OR2T2: variants seen among roughly 807,000 people sequenced by gnomAD.
The protein encoded by OR2T2 is olfactory receptor family 2 subfamily T member 2.
For synonymous variants in OR2T2, 50 were observed against 162.7 expected (o/e 0.31, Z 5.27); for missense variants, 138 against 409.1 (o/e 0.34, Z 5.72).
intron 2 of OR2T2, among the ~76,000 whole-genome samples, chr1:248,449,967 ACAT>A (rs200928310): frequency 0.029 from 3,660 of 124,618 alleles, 54 homozygotes; most frequent in African/African-American, 0.084. Context: ...GTCAAACCAC[ACAT>A]CGTAATGCTA....
At chr1:248,453,649 C>G (rs767724122) in exon 3 of OR2T2, 6 of 1,597,946 alleles carry the variant, frequency 3.8e-6, no homozygotes, top group Non-Finnish European at 5.1e-6. Flanking sequence ...TCCTCACCCC[C>G]ATGCTCAACC....
intron 2 of OR2T2, among the ~76,000 whole-genome samples, chr1:248,450,347 C>CTTTTT (rs201321023): frequency 3.6e-5 from 5 of 139,116 alleles, no homozygotes; most frequent in African/African-American, 1.6e-4. Context: ...CAAGGAACCT[C>CTTTTT]TTTTTTTTTT....
chr1:248,453,674 T>C (rs746963858), exon 3 of OR2T2: 17 of 1,603,350 alleles, frequency 1.1e-5, no homozygotes, highest in East Asian at 4.5e-5. Flanking sequence ...CATCTACAGC[T>C]TGAGGAATAA....
chr1:248,447,952 AG>A (rs1662705328), intron 2 of OR2T2, among the ~76,000 whole-genome samples: 3 of 152,256 alleles, frequency 2.0e-5, no homozygotes, highest in Admixed American at 2.0e-4. Flanking sequence ...CACCATTTTG[AG>A]TAGTGTGGTG....
intron 1 of OR2T2, among the ~76,000 whole-genome samples, 198 bp downstream of exon 1, chr1:248,445,867 G>A (rs1382847431): frequency 6.6e-6 from 1 of 150,866 alleles, no homozygotes; most frequent in Non-Finnish European, 1.5e-5. Flanking sequence ...CTGGAAAAGG[G>A]CATTTAGCAT....
In OR2T2 at chr1:248,449,822, CTTTTTCTTTT is replaced by C. The variant is rs1342560131; in HGVS notation, c.-22-2948_-22-2939del. Among the ~76,000 whole-genome samples, 42 of 123,622 alleles carry C rather than the reference CTTTTTCTTTT, an allele frequency of 3.4e-4. 1 individual carries two copies. The highest frequency in any genetic ancestry group is 2.1e-3 in the African/African-American group (42 of 19,792). 81.1% of individuals were successfully genotyped at this position (123,622 alleles called of 152,430 possible). ...ATAAAAGCTTTTTCTTTTTCTTTTTCTTTTTCTTTTTTTTTTTTTTTGGAAAGACTAGTTG... is the reference window on the plus strand; with the variant it reads ...ATAAAAGCTTTTTCTTTTTCTTTTTCTTTTTTTTTTTGGAAAGACTAGTTG... On this transcript the variant is annotated intron_variant, in intron 2 of 2. Coordinates refer to ENST00000642130, the Ensembl canonical transcript of OR2T2.
intron 2 of OR2T2, among the ~76,000 whole-genome samples, chr1:248,447,485 C>T (rs1300649829): frequency 2.1e-5 from 3 of 143,430 alleles, no homozygotes; most frequent in African/African-American, 8.2e-5. Context: ...ACCCCACACA[C>T]CTCAGCTCTC....
At chr1:248,445,706 A>C (rs1156390567) in intron 1 of OR2T2, 37 bp downstream of exon 1, 1 of 152,134 alleles carries the variant, frequency 6.6e-6, no homozygotes, top group African/African-American at 2.4e-5. Context: ...ACAGAACATC[A>C]CCCAGATACT....
At chr1:248,448,348 ATTT>A (rs1267962248) in intron 2 of OR2T2, among the ~76,000 whole-genome samples, 1 of 133,358 alleles carries the variant, frequency 7.5e-6, no homozygotes, top group South Asian at 2.7e-4. Flanking sequence ...TAGGTATTCT[ATTT>A]TATTATTGTT....
chr1:248,454,788 C>CA (rs1341919833), exon 3 of OR2T2: 18 of 69,960 alleles, frequency 2.6e-4, no homozygotes, highest in African/African-American at 1.0e-3. Context: ...ACATGGAGTC[C>CA]AATATATTCC....
chr1:248,447,007 G>T (rs1474874380), intron 2 of OR2T2, among the ~76,000 whole-genome samples, 196 bp downstream of exon 2: 2 of 148,226 alleles, frequency 1.3e-5, no homozygotes, highest in East Asian at 3.8e-4. Flanking sequence ...GGATGGGAGG[G>T]AAAGTAGACT....
At chr1:248,453,908 A>G in exon 3 of OR2T2, 1 of 1,208,338 alleles carries the variant, frequency 8.3e-7, no homozygotes, top group Non-Finnish European at 1.2e-6. Flanking sequence ...TGCGGCCAAT[A>G]ACGCAGCTAT....
At chr1:248,450,442 G>T (rs541239338) in intron 2 of OR2T2, among the ~76,000 whole-genome samples, 1 of 146,920 alleles carries the variant, frequency 6.8e-6, no homozygotes, top group East Asian at 2.0e-4. Flanking sequence ...TCCTCTTCTG[G>T]GATCCTACAG....
chr1:248,450,224 T>G (rs1662762292), intron 2 of OR2T2, among the ~76,000 whole-genome samples: 1 of 147,012 alleles, frequency 6.8e-6, no homozygotes, highest in South Asian at 2.1e-4. Context: ...TAGCAGGGCC[T>G]TTTCCCTACA....
At chr1:248,447,551 G>C (rs1366557718) in intron 2 of OR2T2, among the ~76,000 whole-genome samples, 1 of 149,044 alleles carries the variant, frequency 6.7e-6, no homozygotes, top group Non-Finnish European at 1.5e-5. Context: ...TCCACCCCTA[G>C]TGCCTGCTAA....
At chr1:248,449,320 G>A (rs1287633239) in intron 2 of OR2T2, 5 of 152,394 alleles carry the variant, frequency 3.3e-5, no homozygotes, top group African/African-American at 1.2e-4. Context: ...AGGGGTGTCA[G>A]AATGAATTGC....
chr1:248,446,235 C>CT lies in OR2T2; in HGVS notation c.-245-345dup, dbSNP rs144488546. On this transcript the variant is annotated intron_variant, in intron 1 of 2. Transcript: ENST00000642130. ...AAGGCATCCACGTGTGCCTTAAGAT[C>CT]TTTTTTTTTAATAAAACTATTAGAG... Among the ~76,000 whole-genome samples, 213 of 139,432 alleles carry CT rather than the reference C, an allele frequency of 1.5e-3. 19 individuals are homozygous for CT. The highest frequency in any genetic ancestry group is 8.3e-3 in the South Asian group (38 of 4,590). The allele number at this position is 139,432 out of a possible 152,430, so 91.5% of individuals were successfully genotyped here. A position where few individuals can be genotyped will look rare whatever the true frequency, so the allele number is the denominator to read the frequency against.
At chr1:248,453,055 C>G in exon 3 of OR2T2, 1 of 1,613,400 alleles carries the variant, frequency 6.2e-7, no homozygotes, top group Non-Finnish European at 8.5e-7. Context: ...TCCAGGACCT[C>G]CTGTCCAAGG....
At chr1:248,447,360 TTTC>T in intron 2 of OR2T2, among the ~76,000 whole-genome samples, 1 of 137,304 alleles carries the variant, frequency 7.3e-6, no homozygotes, top group African/African-American at 2.9e-5. Context: ...CAGGTGGATC[TTTC>T]ATAAGTACCT....
Sources: gnomAD v4.1 joint callset for allele counts (sites outside exome capture counted in the v4.1 genomes callset) on GRCh38, gnomAD v4.1.1 for gene constraint, MANE v1.5 for transcripts, NCBI Gene and HGNC (gene_info 2026-07-23, HGNC 2026-07-21) for gene names.